The following SNX19 variants were observed in gnomAD, a reference collection of about 807,000 sequenced individuals.
SNX19 encodes the protein sorting nexin-19.
In SNX19, 60 loss-of-function variants were observed where a neutral mutation model predicts 85.2. The ratio of observed to expected loss-of-function variants is 0.70; its 90% CI spans 0.57 to 0.87. SNX19 has a LOEUF of 0.87. Among genes scored for constraint, SNX19 ranks in the 40% least tolerant of loss-of-function variants. The probability of loss-of-function intolerance (pLI) is 0.00; values close to 1 mark genes in which losing one functional copy is unlikely to be tolerated. For synonymous variants in SNX19, 520 were observed against 470.0 expected (o/e 1.11, Z -1.38); for missense variants, 1,201 against 1,217.8 (o/e 0.99, Z 0.21).
intron 8 of SNX19, among the ~76,000 whole-genome samples, chr11:130,885,198 A>C (rs979969671): frequency 6.6e-6 from 1 of 152,096 alleles, no homozygotes; most frequent in African/African-American, 2.4e-5. Context: ...AAAAAACCCC[A>C]CTCCACAACC....
rs569033743 is a variant in SNX19, at chr11:130,911,372, G to A, written c.1813+261C>T. 12 of 1,087,538 alleles carry A rather than the reference G, an allele frequency of 1.1e-5. No individual in the cohort carries two copies. In the South Asian group the frequency reaches 2.8e-4, roughly 26 times the overall value. 67.4% of individuals were successfully genotyped at this position (1,087,538 alleles called of 1,614,324 possible). On this transcript the variant is annotated intron_variant, in intron 2 of 10. Transcript: ENST00000265909. ...CTCCTCACACCAACTTACAGGCACA[G>A]GTGGAAATGTGAACACTTATTTTTT... is the stretch of plus-strand genomic sequence containing the variant.
chr11:130,910,259 A>G lies in SNX19; in HGVS notation c.1914+11T>C. The G allele has an allele frequency of 3.7e-6, 6 of 1,613,460 alleles. No individual in the cohort carries two copies. The highest frequency in any genetic ancestry group is 5.1e-6 in the Non-Finnish European group (6 of 1,179,638). On this transcript the variant is annotated intron_variant, in intron 3 of 10. Transcript: ENST00000265909. ...AAAGTGAGAACAAGGCCAAAAGAGA[A>G]GGATGCTGACCTTTAGGAATGATTC...
chr11:130,899,609 G>A (rs1945124774), intron 8 of SNX19, among the ~76,000 whole-genome samples: 1 of 152,196 alleles, frequency 6.6e-6, no homozygotes, highest in Non-Finnish European at 1.5e-5. Context: ...TATTTTCATT[G>A]CAGCTAATAC....
At position 130,903,367 on chromosome 11, in the gene SNX19, C is replaced by T. The variant is rs1360019605; in HGVS notation, c.2461G>A (p.Ala821Thr). The change falls in exon 8 of 11, where the codon GCT becomes ACT. Residue 821 changes from alanine to threonine, a missense_variant. Physicochemically the swap from Ala to Thr is moderately conservative, Grantham distance 58. This residue lies in a region of SNX19 where 285 missense variants were observed against 295.3 expected (regional missense o/e 0.97). Coordinates refer to ENST00000265909, the MANE Select transcript of SNX19 (RefSeq NM_014758.3). ...NSDPGTETEL[A>T]DTALDLLLLL... ...AGGAGCAGATCCAGGGCTGTGTCAG[C>T]TAACTCTGTCTCTGTTCCTGAGGGA... 1 of 1,612,540 alleles carries T rather than the reference C, an allele frequency of 6.2e-7. No individual in the cohort carries two copies. Among genetic ancestry groups the T allele is most frequent in the Non-Finnish European group, 8.5e-7 (1 of 1,179,828 alleles).
chr11:130,866,559 G>A lies in SNX19; in HGVS notation c.*11863C>T. The A allele has an allele frequency of 6.6e-6, 1 of 152,196 alleles. No homozygotes were observed. The highest frequency in any genetic ancestry group is 1.9e-4 in the East Asian group (1 of 5,188). The allele number at this position is 152,196 out of a possible 1,614,324, so 9.4% of individuals were successfully genotyped here. A position where few individuals can be genotyped will look rare whatever the true frequency, so the allele number is the denominator to read the frequency against. ...AAGACCCTCTTCCCCAGGAGAGTGG[G>A]AGCGTCTGCCTTCGGGCTGTCAGTA... On this transcript the variant is annotated 3_prime_UTR_variant, in exon 11 of 11. Coordinates refer to ENST00000265909, the MANE Select transcript of SNX19 (RefSeq NM_014758.3).
chr11:130,911,572 C>G lies in SNX19; in HGVS notation c.1813+61G>C, dbSNP rs1331810674. ...CCGATCCCTCCCATAAACCAACAGG[C>G]CAATCAGCGTGGCTCGACGTGGGAA... On this transcript the variant is annotated intron_variant, in intron 2 of 10. Transcript: ENST00000265909. 8 of 1,605,684 alleles carry G rather than the reference C, an allele frequency of 5.0e-6. No individual in the cohort carries two copies. In the Admixed American group the frequency reaches 1.3e-4, roughly 27 times the overall value.
chr11:130,906,778 C>T, intron 5 of SNX19, 57 bp from the exon 6 acceptor site: 1 of 1,217,586 alleles, frequency 8.2e-7, no homozygotes, highest in Non-Finnish European at 1.2e-6. Flanking sequence ...GAGCCTCACA[C>T]TAAGGGCTGG....
intron 8 of SNX19, among the ~76,000 whole-genome samples, chr11:130,902,397 G>C (rs922944467): frequency 1.1e-4 from 16 of 152,108 alleles, no homozygotes; most frequent in Admixed American, 3.9e-4. Flanking sequence ...TTTTCGACTT[G>C]GTAAAGAATA....
At chr11:130,911,837 CT>C (rs1342010739) in intron 1 of SNX19, 66 bp from the exon 2 acceptor site, 16 of 1,531,838 alleles carry the variant, frequency 1.0e-5, no homozygotes, top group Non-Finnish European at 1.4e-5. Flanking sequence ...TCTGGCTTTA[CT>C]GACTACTTGG....
intron 7 of SNX19, among the ~76,000 whole-genome samples, chr11:130,904,341 G>T (rs1413656113): frequency 6.6e-6 from 1 of 152,168 alleles, no homozygotes; most frequent in East Asian, 1.9e-4. Context: ...ATACTCTCTG[G>T]ATCACCTTGC....
chr11:130,893,835 C>T, intron 8 of SNX19: 2 of 702,244 alleles, frequency 2.8e-6, no homozygotes, highest in Non-Finnish European at 5.2e-6. Context: ...CTTTCGGGGC[C>T]AGCATTATAT....
chr11:130,915,513 G>C lies in SNX19; in HGVS notation c.427C>G (p.Arg143Gly). The C allele has an allele frequency of 6.2e-7, 1 of 1,614,202 alleles. No individual in the cohort carries two copies. Among genetic ancestry groups the C allele is most frequent in the Non-Finnish European group, 8.5e-7 (1 of 1,180,042 alleles). The change falls in exon 1 of 11, where the codon CGG (arginine) becomes GGG (glycine). Residue 143 changes from arginine (R) to glycine (G), a missense_variant. Arg to Gly is a moderately radical substitution (Grantham distance 125). This residue lies in a region of SNX19 where 791 missense variants were observed against 750.9 expected (regional missense o/e 1.05). Coordinates refer to ENST00000265909, the MANE Select transcript of SNX19 (RefSeq NM_014758.3). Reference protein sequence around the residue: ...AAMKGLVQELRRRMSVMDSHA... With the variant: ...AAMKGLVQELGRRMSVMDSHA... Reference sequence around the variant, plus strand: ...CTGTCCATCACGCTCATCCTTCTCCGAAGCTCCTGGACCAACCCTTTCATG... The same window carrying C: ...CTGTCCATCACGCTCATCCTTCTCCCAAGCTCCTGGACCAACCCTTTCATG...
At chr11:130,904,123 T>C (rs575339400) in intron 7 of SNX19, among the ~76,000 whole-genome samples, 8 of 152,326 alleles carry the variant, frequency 5.3e-5, no homozygotes, top group African/African-American at 1.9e-4. Flanking sequence ...AATGAGCTTA[T>C]ACCCATGCTA....
intron 5 of SNX19, among the ~76,000 whole-genome samples, chr11:130,906,957 A>G (rs147115729): frequency 6.6e-6 from 1 of 152,230 alleles, no homozygotes; most frequent in Non-Finnish European, 1.5e-5. Context: ...TCTACAGTGC[A>G]CTTGTGAAAT....
chr11:130,900,549 T>C (rs539265331), intron 8 of SNX19, among the ~76,000 whole-genome samples: 1 of 152,332 alleles, frequency 6.6e-6, no homozygotes, highest in South Asian at 2.1e-4. Context: ...CTCCTTTATC[T>C]GGACTAGCCC....
rs1036028056 is a variant in SNX19 at position 130,878,304 on chromosome 11, C to T, written c.*118G>A. ...CAGAAGTGGGAGAGAAGTGAGCCACCGAGAACCTAGGCCTTCTTAGCTGTA... is the reference window on the plus strand; with the variant it reads ...CAGAAGTGGGAGAGAAGTGAGCCACTGAGAACCTAGGCCTTCTTAGCTGTA... On this transcript the variant is annotated 3_prime_UTR_variant, in exon 11 of 11. Transcript: ENST00000265909. 11 of 1,219,602 alleles carry T rather than the reference C, an allele frequency of 9.0e-6. No individual in the cohort carries two copies. Among genetic ancestry groups the T allele is most frequent in the African/African-American group, 3.0e-5 (2 of 66,242 alleles). 75.5% of individuals were successfully genotyped at this position (1,219,602 alleles called of 1,614,324 possible). A position where few individuals can be genotyped will look rare whatever the true frequency, so the allele number is the denominator to read the frequency against.
chr11:130,915,862 G>A lies in SNX19; in HGVS notation c.78C>T (p.Ser26=), dbSNP rs76306531. ...SSCHLNNLLS[S]RKLMAVGVLL... ...AGACCCCCACAGCCATCAGCTTCCGGCTACTCAACAGGTTATTGAGGTGAC... is the reference window on the plus strand; with the variant it reads ...AGACCCCCACAGCCATCAGCTTCCGACTACTCAACAGGTTATTGAGGTGAC... The change falls in exon 1 of 11, where the codon AGC becomes AGT. Residue 26 remains serine, a synonymous_variant. Coordinates refer to ENST00000265909, the MANE Select transcript of SNX19 (RefSeq NM_014758.3). 3 of 1,614,082 alleles carry A rather than the reference G, an allele frequency of 1.9e-6. No individual in the cohort carries two copies. In the African/African-American group the frequency reaches 4.0e-5, roughly 22 times the overall value.
rs1943223569 is a variant in SNX19, at chr11:130,875,945, C to T, written c.*2477G>A. The T allele has an allele frequency of 6.6e-6, 1 of 152,088 alleles. No homozygotes were observed. The highest frequency in any genetic ancestry group is 1.5e-5 in the Non-Finnish European group (1 of 68,022). The allele number at this position is 152,088 out of a possible 1,614,324, so 9.4% of individuals were successfully genotyped here. Reference sequence around the variant, plus strand: ...CTAATCCAACAATGCAAAAATGAAACTGTGAGTTATATGTGATGAAAAAGT... The same window carrying T: ...CTAATCCAACAATGCAAAAATGAAATTGTGAGTTATATGTGATGAAAAAGT... On this transcript the variant is annotated 3_prime_UTR_variant, in exon 11 of 11. Transcript: ENST00000265909.
intron 8 of SNX19, among the ~76,000 whole-genome samples, chr11:130,891,735 T>TG (rs1944508341): frequency 1.3e-5 from 2 of 152,216 alleles, no homozygotes; most frequent in East Asian, 3.9e-4. Flanking sequence ...AAAAGACACT[T>TG]GGGGTCTGTG....
Sources: gnomAD v4.1 joint callset for allele counts (sites outside exome capture counted in the v4.1 genomes callset) on GRCh38, gnomAD v4.1.1 for gene constraint, gnomAD v4.1.1 regional missense constraint, MANE v1.5 for transcripts, NCBI Gene and HGNC (gene_info 2026-07-23, HGNC 2026-07-21) for gene names.